The following NRXN1 variants were observed in gnomAD, a reference collection of about 807,000 sequenced individuals.
The protein encoded by NRXN1 is neurexin-1.
A neutral mutation model predicts 150.9 loss-of-function variants in NRXN1; 39 were observed. The observed-to-expected ratio is 0.26, with a 90% CI of 0.20 to 0.34. The LOEUF (loss-of-function observed/expected upper bound fraction) is 0.34, where lower values mean the gene tolerates loss of function less well. Among genes scored for constraint, NRXN1 ranks in the 10% least tolerant of loss-of-function variants. The pLI is 1.00. For synonymous variants in NRXN1, 924 were observed against 757.0 expected, an observed-to-expected ratio of 1.22 and a Z score of -3.62; for missense variants, 1,815 against 1,949.9, an observed-to-expected ratio of 0.93 and a Z score of 1.30.
intron 18 of NRXN1, among the ~76,000 whole-genome samples, chr2:50,165,611 A>C (rs2059633023): frequency 1.3e-5 from 2 of 152,090 alleles, no homozygotes; most frequent in South Asian, 4.2e-4. Flanking sequence ...AGCCTCCCGA[A>C]GTGCTGGGAT....
chr2:50,997,347 C>G (rs2105050863), intron 2 of NRXN1, among the ~76,000 whole-genome samples: 1 of 152,022 alleles, frequency 6.6e-6, no homozygotes, highest in Admixed American at 6.6e-5. Flanking sequence ...GCCTGGGCAA[C>G]AGAGTAAGAC....
chr2:50,494,999 C>G (rs879494134), intron 15 of NRXN1, among the ~76,000 whole-genome samples: 1 of 150,584 alleles, frequency 6.6e-6, no homozygotes, highest in Admixed American at 6.6e-5. Flanking sequence ...CCACTGCACT[C>G]CAGCCTGGGT....
At chr2:50,054,221 C>G (rs773711456) in intron 20 of NRXN1, among the ~76,000 whole-genome samples, 4 of 145,200 alleles carry the variant, frequency 2.8e-5, no homozygotes, top group Admixed American at 1.4e-4. Context: ...TGGCTTTCAG[C>G]AAGTCTATCA....
intron 17 of NRXN1, among the ~76,000 whole-genome samples, chr2:50,351,936 C>T (rs1346325881): frequency 6.6e-6 from 1 of 152,098 alleles, no homozygotes; most frequent in African/African-American, 2.4e-5. Flanking sequence ...TGTGCCTACT[C>T]ATTAATAAAT....
At chr2:50,767,707 T>C (rs1388054821) in intron 5 of NRXN1, among the ~76,000 whole-genome samples, 1 of 152,132 alleles carries the variant, frequency 6.6e-6, no homozygotes, top group Non-Finnish European at 1.5e-5. Flanking sequence ...GCTGAATACA[T>C]TCATATTTCC....
intron 21 of NRXN1, among the ~76,000 whole-genome samples, chr2:50,012,552 G>A (rs1056587043): frequency 6.6e-6 from 1 of 152,004 alleles, no homozygotes; most frequent in African/African-American, 2.4e-5. Flanking sequence ...ATTTTGTCCT[G>A]AAAGACTTTT....
chr2:49,949,917 T>G (rs1031249490), intron 21 of NRXN1, among the ~76,000 whole-genome samples: 4 of 151,772 alleles, frequency 2.6e-5, no homozygotes. Context: ...GAGAGAGCGC[T>G]CTCAAGTGTG....
At chr2:50,959,623 T>C (rs183138778) in intron 2 of NRXN1, among the ~76,000 whole-genome samples, 1 of 152,128 alleles carries the variant, frequency 6.6e-6, no homozygotes, top group East Asian at 1.9e-4. Context: ...TATAAATGGT[T>C]GTGGGTTTCT....
intron 17 of NRXN1, among the ~76,000 whole-genome samples, chr2:50,237,455 A>G (rs1001937567): frequency 6.6e-6 from 1 of 151,994 alleles, no homozygotes; most frequent in Non-Finnish European, 1.5e-5. Flanking sequence ...TGGAAAAAGG[A>G]TCTACTTACA....
At chr2:49,943,269 T>C (rs932694250) in intron 22 of NRXN1, among the ~76,000 whole-genome samples, 4 of 152,238 alleles carry the variant, frequency 2.6e-5, no homozygotes, top group Non-Finnish European at 5.9e-5. Flanking sequence ...AATTCAGAAA[T>C]ATATCACTTA....
In NRXN1 at chr2:50,243,814, C is replaced by T. The variant is rs543856084; in HGVS notation, c.3365-6844G>A. The stretch of plus-strand genomic sequence containing the variant: ...AGAGTATTCCTCTTCAATAAGCCAG[C>T]CCATCTGAGATTAGGCTCTAGCCCA... On this transcript the variant is annotated intron_variant, in intron 17 of 22. Transcript: ENST00000401669. Among the ~76,000 whole-genome samples the T allele has an allele frequency of 1.8e-4, 28 of 151,752 alleles. 1 individual carries two copies. In the South Asian group the frequency reaches 5.6e-3, roughly 30 times the overall value.
At chr2:50,900,826 G>A (rs1682833182) in intron 5 of NRXN1, among the ~76,000 whole-genome samples, 2 of 152,240 alleles carry the variant, frequency 1.3e-5, no homozygotes, top group Non-Finnish European at 2.9e-5. Flanking sequence ...GCAAGAACGA[G>A]GTGATGAGCG....
At chr2:50,321,081 G>A (rs1239072665) in intron 17 of NRXN1, among the ~76,000 whole-genome samples, 1 of 152,154 alleles carries the variant, frequency 6.6e-6, no homozygotes, top group Non-Finnish European at 1.5e-5. Context: ...ACCGTCTACA[G>A]CCAAAGTCCC....
At chr2:50,680,800 T>C (rs543089315) in intron 5 of NRXN1, among the ~76,000 whole-genome samples, 1 of 151,880 alleles carries the variant, frequency 6.6e-6, no homozygotes, top group African/African-American at 2.4e-5. Flanking sequence ...AAAAAAAGGA[T>C]AATCTGTTTG....
At chr2:50,542,737 G>T (rs1451532957) in intron 9 of NRXN1, among the ~76,000 whole-genome samples, 1 of 152,054 alleles carries the variant, frequency 6.6e-6, no homozygotes, top group Non-Finnish European at 1.5e-5. Context: ...TTATATTTTA[G>T]CCTAAACATG....
chr2:50,685,022 G>T (rs1246097485), intron 5 of NRXN1, among the ~76,000 whole-genome samples: 1 of 152,068 alleles, frequency 6.6e-6, no homozygotes, highest in Non-Finnish European at 1.5e-5. Flanking sequence ...ATATTCAGTT[G>T]TTTTTCATAA....
In NRXN1 at chr2:49,918,665, A is replaced by G. The variant is rs965699428; in HGVS notation, c.*3279T>C. The G allele has an allele frequency of 3.3e-5, 5 of 152,116 alleles. No homozygotes were observed. The highest frequency in any genetic ancestry group is 2.0e-4 in the Admixed American group (3 of 15,272). The allele number at this position is 152,116 out of a possible 1,614,324, so 9.4% of individuals were successfully genotyped here. A position where few individuals can be genotyped will look rare whatever the true frequency, so the allele number is the denominator to read the frequency against. ...CATATCAAGATGAACAAATATAACA[A>G]AAGTACATTTAATGGCTACATCTTT... On this transcript the variant is annotated 3_prime_UTR_variant, in exon 23 of 23. Coordinates refer to ENST00000401669, the MANE Select transcript of NRXN1 (RefSeq NM_001330078.2).
intron 5 of NRXN1, among the ~76,000 whole-genome samples, chr2:50,814,904 G>C (rs1407949647): frequency 6.6e-6 from 1 of 152,060 alleles, no homozygotes; most frequent in African/African-American, 2.4e-5. Context: ...GGGGAAGTAA[G>C]TTCTAGAAAA....
At chr2:50,026,572 T>G (rs997898650) in intron 21 of NRXN1, among the ~76,000 whole-genome samples, 2 of 152,146 alleles carry the variant, frequency 1.3e-5, no homozygotes, top group African/African-American at 4.8e-5. Context: ...CAGTTACATC[T>G]TAAATAAGTT....
Sources: gnomAD v4.1 joint callset for allele counts (sites outside exome capture counted in the v4.1 genomes callset) on GRCh38, gnomAD v4.1.1 for gene constraint, MANE v1.5 for transcripts, NCBI Gene and HGNC (gene_info 2026-07-23, HGNC 2026-07-21) for gene names.